PTPRC: variants seen among roughly 807,000 people sequenced by gnomAD.
PTPRC encodes receptor-type tyrosine-protein phosphatase C.
PTPRC carries 44 observed loss-of-function variants against 155.9 expected under a neutral mutation model. The observed-to-expected ratio is 0.28, with a 90% CI of 0.22 to 0.36. The LOEUF (loss-of-function observed/expected upper bound fraction) is 0.36. PTPRC is among the 10% of genes least tolerant of loss of function. The probability of loss-of-function intolerance (pLI) is 1.00; values close to 1 mark genes in which losing one functional copy is unlikely to be tolerated. For missense variants in PTPRC, 1,401 were observed against 1,564.6 expected, an observed-to-expected ratio of 0.90 and a Z score of 1.76; for synonymous variants, 525 against 533.1, an observed-to-expected ratio of 0.98 and a Z score of 0.21.
In PTPRC at chr1:198,735,787, C is replaced by A. The variant is rs1337100993; in HGVS notation, c.2403+535C>A. On this transcript the variant is annotated intron_variant, in intron 23 of 32. Transcript: ENST00000442510. The stretch of plus-strand genomic sequence containing the variant: ...TATATAATTCCATTATATGAAAAAT[C>A]CACAATAGGCAAGTCAATAAAGACA... Among the ~76,000 whole-genome samples, 3 of 151,412 alleles carry A rather than the reference C, an allele frequency of 2.0e-5. No homozygotes were observed. The Admixed American group carries it at 2.0e-4, about 10-fold the overall frequency.
intron 12 of PTPRC, among the ~76,000 whole-genome samples, chr1:198,713,294 T>C (rs891534500): frequency 3.9e-5 from 6 of 152,192 alleles, no homozygotes; most frequent in African/African-American, 9.7e-5. Context: ...TCCTTCTTGG[T>C]CTTAGTTTAA....
rs535294657 is a variant in PTPRC, at chr1:198,756,900, A to G, written c.*719A>G. On this transcript the variant is annotated 3_prime_UTR_variant, in exon 33 of 33. Transcript: ENST00000442510. The stretch of plus-strand genomic sequence containing the variant: ...CTTTACATGGGGTTTTCAATTTTGC[A>G]TGCTCGATTATTCCCTGTACAATAT... 4.6e-5 allele frequency: 7 copies of G among 151,990 alleles called. No homozygotes were observed. Among genetic ancestry groups the G allele is most frequent in the African/African-American group, 1.7e-4 (7 of 41,526 alleles). 9.4% of individuals were successfully genotyped at this position (151,990 alleles called of 1,614,324 possible). A position where few individuals can be genotyped will look rare whatever the true frequency, so the allele number is the denominator to read the frequency against.
chr1:198,667,548 G>A (rs1006391747), intron 2 of PTPRC, among the ~76,000 whole-genome samples: 2 of 152,200 alleles, frequency 1.3e-5, no homozygotes, highest in African/African-American at 4.8e-5. Context: ...GTGCATTATT[G>A]ATGGACAATA....
At chr1:198,751,614 C>G (rs540000085) in intron 29 of PTPRC, among the ~76,000 whole-genome samples, 3 of 152,062 alleles carry the variant, frequency 2.0e-5, no homozygotes, top group Admixed American at 6.6e-5. Flanking sequence ...ATTGTGAAAG[C>G]TGGGAAACAG....
intron 10 of PTPRC, among the ~76,000 whole-genome samples, chr1:198,709,057 A>G (rs1236141596): frequency 3.9e-5 from 6 of 152,260 alleles, no homozygotes; most frequent in Non-Finnish European, 7.3e-5. Flanking sequence ...TGACAGACCA[A>G]TGATAAAATG....
chr1:198,722,052 G>T (rs2102456616), intron 14 of PTPRC, among the ~76,000 whole-genome samples: 1 of 151,092 alleles, frequency 6.6e-6, no homozygotes, highest in African/African-American at 2.4e-5. Context: ...GCTTATGGTT[G>T]AATTTCCTTT....
chr1:198,742,449 T>A (rs1431588983), intron 25 of PTPRC, 82 bp downstream of exon 25: 14 of 1,547,308 alleles, frequency 9.0e-6, no homozygotes, highest in African/African-American at 6.8e-5. Context: ...TGATATTTTT[T>A]AAAAATCCAA....
At chr1:198,705,959 T>C (rs1249398254) in intron 8 of PTPRC, among the ~76,000 whole-genome samples, 1 of 152,228 alleles carries the variant, frequency 6.6e-6, no homozygotes, top group Admixed American at 6.5e-5. Context: ...CATAATCTTA[T>C]TTTAGAGGTT....
At chr1:198,753,477 TTATC>T (rs1462382521) in intron 31 of PTPRC, among the ~76,000 whole-genome samples, 1 of 151,998 alleles carries the variant, frequency 6.6e-6, no homozygotes, top group Non-Finnish European at 1.5e-5. Context: ...TGAGAAATGT[TTATC>T]TAGTGAAAAA....
chr1:198,708,183 A>G lies in PTPRC; in HGVS notation c.955A>G (p.Thr319Ala). The G allele has an allele frequency of 1.2e-6, 2 of 1,605,102 alleles. No homozygotes were observed. The highest frequency in any genetic ancestry group is 1.1e-5 in the South Asian group (1 of 90,926). The change falls in exon 10 of 33, where the codon ACT becomes GCT. Residue 319 changes from threonine (T) to alanine (A), a missense_variant. Thr to Ala is a moderately conservative substitution (Grantham distance 58). Around this residue, in one of 3 missense-constraint regions of PTPRC, gnomAD observed 867 missense variants for 970.4 expected, o/e 0.89. Coordinates refer to ENST00000442510, the MANE Select transcript of PTPRC (RefSeq NM_002838.5). ...TTGTACACAAGTTGAAAAAGCAGATACTACTATTTGTTTAAAATGGAAAAA... is the reference window on the plus strand; with the variant it reads ...TTGTACACAAGTTGAAAAAGCAGATGCTACTATTTGTTTAAAATGGAAAAA... ...HDCTQVEKAD[T>A]TICLKWKNIE...
At chr1:198,665,828 G>A (rs1664262356) in intron 2 of PTPRC, among the ~76,000 whole-genome samples, 1 of 152,216 alleles carries the variant, frequency 6.6e-6, no homozygotes, top group South Asian at 2.1e-4. Context: ...GCACATTCAG[G>A]ATAAAATGAG....
At chr1:198,651,324 A>G (rs202036356) in intron 2 of PTPRC, among the ~76,000 whole-genome samples, 11 of 81,234 alleles carry the variant, frequency 1.4e-4, no homozygotes, top group South Asian at 9.0e-4. Context: ...GTGTGTGTGT[A>G]TTGGTTAAAT....
chr1:198,731,606 T>TTA lies in PTPRC; in HGVS notation c.1865-11_1865-10insTA. ...CATGTAACTAGTATTGAATCTTTAA[T>TTA]ATGTTTCCAGATGATGAAAAACAAC... On this transcript the variant is annotated splice_polypyrimidine_tract_variant and intron_variant, in intron 17 of 32. Coordinates refer to ENST00000442510, the MANE Select transcript of PTPRC (RefSeq NM_002838.5). The TTA allele has an allele frequency of 6.3e-7, 1 of 1,578,862 alleles. No homozygotes were observed. The highest frequency in any genetic ancestry group is 1.1e-5 in the South Asian group (1 of 90,386).
intron 2 of PTPRC, among the ~76,000 whole-genome samples, chr1:198,667,612 A>G (rs1297829900): frequency 3.3e-5 from 5 of 152,234 alleles, no homozygotes; most frequent in Non-Finnish European, 7.3e-5. Context: ...GTGCTATTGA[A>G]TACTTGCTAA....
At position 198,750,511 on chromosome 1, in the gene PTPRC, T is replaced by C. The variant is rs1655331317; in HGVS notation, c.3092T>C (p.Val1031Ala). 6.2e-7 allele frequency: 1 copy of C among 1,612,418 alleles called. No individual in the cohort carries two copies. The highest frequency in any genetic ancestry group is 1.3e-5 in the African/African-American group (1 of 74,788). ...AAAAAGAGCTACTGGAAACCTGAAG[T>C]GATGATTGCTGCTCAGGGACCACTG... ...SFIMSYWKPE[V>A]MIAAQGPLKE... The change falls in exon 29 of 33, where the codon GTG becomes GCG. Residue 1031 changes from valine to alanine, a missense_variant. Around this residue, in one of 3 missense-constraint regions of PTPRC, gnomAD observed 400 missense variants for 389.5 expected, o/e 1.03. Coordinates refer to ENST00000442510, the MANE Select transcript of PTPRC (RefSeq NM_002838.5).
rs550706909 is a variant in PTPRC, at chr1:198,642,907, CCTTT to C, written c.73+3627_73+3630del. On this transcript the variant is annotated intron_variant, in intron 2 of 32. Transcript: ENST00000442510. ...ATCTTTTTTCTTTTCTTTCTTTCTTCCTTTCTTTCTTTCTTTCTTTCTTTCTTTC... is the reference window on the plus strand; with the variant it reads ...ATCTTTTTTCTTTTCTTTCTTTCTTCCTTTCTTTCTTTCTTTCTTTCTTTC... Among the ~76,000 whole-genome samples the C allele has an allele frequency of 2.0e-3, 189 of 93,748 alleles. 1 individual carries two copies. The highest frequency in any genetic ancestry group is 4.3e-3 in the Middle Eastern group (1 of 230). The allele number at this position is 93,748 out of a possible 152,430, so 61.5% of individuals were successfully genotyped here. A position where few individuals can be genotyped will look rare whatever the true frequency, so the allele number is the denominator to read the frequency against.
intron 14 of PTPRC, among the ~76,000 whole-genome samples, chr1:198,719,850 A>T (rs1347210396): frequency 6.6e-6 from 1 of 152,136 alleles, no homozygotes; most frequent in African/African-American, 2.4e-5. Context: ...ACCTCAAGTA[A>T]TCCGCCTGCC....
At chr1:198,643,630 G>A (rs979724464) in intron 2 of PTPRC, among the ~76,000 whole-genome samples, 1 of 151,790 alleles carries the variant, frequency 6.6e-6, no homozygotes, top group Non-Finnish European at 1.5e-5. Flanking sequence ...CTTCCTAAAA[G>A]TTCATAGTTT....
chr1:198,731,741 T>C lies in PTPRC; in HGVS notation c.1974+15T>C. 6.5e-7 allele frequency: 1 copy of C among 1,539,686 alleles called. No individual in the cohort carries two copies. Among genetic ancestry groups the C allele is most frequent in the Non-Finnish European group, 9.0e-7 (1 of 1,113,086 alleles). ...CTGAATTTCAGGTGTGTGTTGCTTT[T>C]GTTATATGATGATAAATTCGACATC... On this transcript the variant is annotated intron_variant, in intron 18 of 32. Transcript: ENST00000442510.
Sources: gnomAD v4.1 joint callset for allele counts (sites outside exome capture counted in the v4.1 genomes callset) on GRCh38, gnomAD v4.1.1 for gene constraint, gnomAD v4.1.1 regional missense constraint, MANE v1.5 for transcripts, NCBI Gene and HGNC (gene_info 2026-07-23, HGNC 2026-07-21) for gene names.